PLCH1: variants seen among roughly 807,000 people sequenced by gnomAD.
PLCH1 encodes phospholipase C eta 1, also known as 1-phosphatidylinositol 4,5-bisphosphate phosphodiesterase eta-1.
In PLCH1, 60 loss-of-function variants were observed where a neutral mutation model predicts 126.7. That is an observed-to-expected ratio of 0.47 (90% confidence interval 0.38 to 0.59). PLCH1 has a LOEUF of 0.59. Ranked by LOEUF, PLCH1 falls within the 20% of genes least tolerant of loss-of-function variation. The probability of loss-of-function intolerance (pLI) is 0.00; values close to 1 mark genes in which losing one functional copy is unlikely to be tolerated. For missense variants in PLCH1, 1,723 were observed against 2,040.0 expected (o/e 0.84, Z 2.99); for synonymous variants, 719 against 734.9 (o/e 0.98, Z 0.35).
At chr3:155,578,101 T>C (rs990897947) in intron 6 of PLCH1, among the ~76,000 whole-genome samples, 5 of 152,168 alleles carry the variant, frequency 3.3e-5, no homozygotes, top group Non-Finnish European at 7.3e-5. Context: ...TTCTTTCCAG[T>C]ACACTATGAG....
intron 2 of PLCH1, among the ~76,000 whole-genome samples, chr3:155,601,982 A>C (rs1733800761): frequency 6.6e-6 from 1 of 152,002 alleles, no homozygotes; most frequent in African/African-American, 2.4e-5. Flanking sequence ...ACTAAGCATA[A>C]TGTTTTTGAG....
chr3:155,613,724 T>C (rs1735430655), intron 2 of PLCH1, among the ~76,000 whole-genome samples: 2 of 152,150 alleles, frequency 1.3e-5, no homozygotes, highest in Admixed American at 6.6e-5. Context: ...GAAAGCATTC[T>C]TCCTGAAAAC....
intron 1 of PLCH1, among the ~76,000 whole-genome samples, chr3:155,706,117 T>G (rs1348249853): frequency 7.5e-6 from 1 of 133,192 alleles, no homozygotes. Context: ...GAGGTTGCAG[T>G]GAGGTGAGAC....
In PLCH1 at chr3:155,616,616, T is replaced by C. The variant is rs138888253; in HGVS notation, c.80-20238A>G. Among the ~76,000 whole-genome samples, 638 of 152,292 alleles carry C rather than the reference T, an allele frequency of 4.2e-3. 1 individual carries two copies. The highest frequency in any genetic ancestry group is 7.1e-3 in the Admixed American group (108 of 15,284). ...TAAAATTAGCTTTAGCATTACTATA[T>C]TACTGCAAAGAAAAAAGTTTGGTTT... is the stretch of plus-strand genomic sequence containing the variant. On this transcript the variant is annotated intron_variant, in intron 2 of 22. Transcript: ENST00000460012.
chr3:155,648,956 T>C (rs1740372353), intron 2 of PLCH1, among the ~76,000 whole-genome samples: 1 of 152,148 alleles, frequency 6.6e-6, no homozygotes, highest in African/African-American at 2.4e-5. Flanking sequence ...GCCAACGACA[T>C]AGGCCTCTTA....
intron 22 of PLCH1, among the ~76,000 whole-genome samples, chr3:155,483,648 T>C (rs915183531): frequency 4.6e-5 from 7 of 152,188 alleles, no homozygotes; most frequent in Admixed American, 3.9e-4. Context: ...AAGATAAAAA[T>C]TGGTCATCAA....
intron 2 of PLCH1, among the ~76,000 whole-genome samples, chr3:155,652,025 A>G (rs1167581498): frequency 1.3e-5 from 2 of 152,240 alleles, no homozygotes; most frequent in Non-Finnish European, 2.9e-5. Flanking sequence ...AAGCAAGCTT[A>G]TTAATTTGAC....
At chr3:155,712,644 G>C (rs1183740832) in intron 1 of PLCH1, among the ~76,000 whole-genome samples, 2 of 152,144 alleles carry the variant, frequency 1.3e-5, no homozygotes, top group African/African-American at 4.8e-5. Flanking sequence ...GGAGGCTGAG[G>C]CAGGAGAATT....
At chr3:155,490,896 C>A in intron 18 of PLCH1, 28 bp from the exon 19 acceptor site, 1 of 1,186,526 alleles carries the variant, frequency 8.4e-7, no homozygotes, top group Non-Finnish European at 1.3e-6. Context: ...AGTACTATTA[C>A]AAATAACATA....
At chr3:155,622,694 A>G (rs917911566) in intron 2 of PLCH1, among the ~76,000 whole-genome samples, 1 of 152,226 alleles carries the variant, frequency 6.6e-6, no homozygotes, top group Non-Finnish European at 1.5e-5. Context: ...AAAGGGATCA[A>G]TGCAACAAGA....
At chr3:155,469,508 C>A (rs1229815193) in intron 21 of PLCH1, among the ~76,000 whole-genome samples, 1 of 152,196 alleles carries the variant, frequency 6.6e-6, no homozygotes, top group African/African-American at 2.4e-5. Context: ...GAGGGGCGCC[C>A]GCCATTGCCC....
At chr3:155,471,473 T>C (rs1319871144) in intron 21 of PLCH1, among the ~76,000 whole-genome samples, 47 of 146,334 alleles carry the variant, frequency 3.2e-4, no homozygotes, top group Non-Finnish European at 5.7e-4. Context: ...CACACATTAA[T>C]AATGGGAGAC....
At chr3:155,469,458 C>T (rs1206408410) in intron 21 of PLCH1, among the ~76,000 whole-genome samples, 1 of 151,396 alleles carries the variant, frequency 6.6e-6, no homozygotes, top group African/African-American at 2.4e-5. Context: ...GCTAGCACAG[C>T]AGTCTGAGAT....
At position 155,486,746 on chromosome 3, in the gene PLCH1, G is replaced by A. The variant is rs577081508; in HGVS notation, c.2620-1036C>T. On this transcript the variant is annotated intron_variant, in intron 21 of 22. Transcript: ENST00000460012. ...TCACCTTGTTAGCCAGGATGGTCTC[G>A]ATCTCCTGACCTCATGATCCACCCG... Among the ~76,000 whole-genome samples the A allele has an allele frequency of 2.6e-5, 4 of 151,668 alleles. No individual in the cohort carries two copies. In the South Asian group the frequency reaches 6.3e-4, roughly 24 times the overall value.
intron 1 of PLCH1, among the ~76,000 whole-genome samples, chr3:155,729,304 G>A (rs1283319457): frequency 6.6e-6 from 1 of 152,190 alleles, no homozygotes; most frequent in Non-Finnish European, 1.5e-5. Flanking sequence ...GCAATAAGGA[G>A]TGCAGCTCCA....
chr3:155,696,880 C>T (rs1182709007), intron 2 of PLCH1, among the ~76,000 whole-genome samples: 1 of 152,172 alleles, frequency 6.6e-6, no homozygotes, highest in African/African-American at 2.4e-5. Flanking sequence ...AAAAGCCATC[C>T]AAGGCTTTCA....
chr3:155,635,120 C>T (rs1011198613), intron 2 of PLCH1, among the ~76,000 whole-genome samples: 5 of 146,400 alleles, frequency 3.4e-5, no homozygotes, highest in Middle Eastern at 3.2e-3. Flanking sequence ...GCAGACTCAA[C>T]GTGTCATTCA....
At chr3:155,498,989 GAATA>G (rs1186016484) in intron 14 of PLCH1, among the ~76,000 whole-genome samples, 1 of 152,094 alleles carries the variant, frequency 6.6e-6, no homozygotes, top group East Asian at 1.9e-4. Context: ...AGCTCCAACA[GAATA>G]TCTATACATA....
chr3:155,459,921 C>T (rs1461733654), intron 21 of PLCH1, among the ~76,000 whole-genome samples: 11 of 152,306 alleles, frequency 7.2e-5, no homozygotes, highest in Non-Finnish European at 1.3e-4. Context: ...GACCTGAGAT[C>T]AGCAGCATTA....
Sources: allele counts gnomAD v4.1 joint callset (sites outside exome capture counted in the v4.1 genomes callset), GRCh38; gene constraint gnomAD v4.1.1; transcripts MANE v1.5; gene names NCBI Gene and HGNC (gene_info 2026-07-23, HGNC 2026-07-21).